DNAAF9: variants seen among roughly 807,000 people sequenced by gnomAD.
DNAAF9 encodes shulin.
A neutral mutation model predicts 167.0 loss-of-function variants in DNAAF9; 90 were observed. The observed-to-expected ratio is 0.54, with a 90% CI of 0.45 to 0.64. DNAAF9 has a LOEUF of 0.64. Among genes scored for constraint, DNAAF9 ranks in the 30% least tolerant of loss-of-function variants. The pLI is 0.00. For missense variants in DNAAF9, 1,315 were observed against 1,442.2 expected (o/e 0.91, Z 1.43); for synonymous variants, 491 against 508.8 (o/e 0.96, Z 0.47).
At chr20:3,334,176 C>T (rs902051818) in intron 10 of DNAAF9, among the ~76,000 whole-genome samples, 5 of 152,168 alleles carry the variant, frequency 3.3e-5, no homozygotes, top group Admixed American at 1.3e-4. Flanking sequence ...CCCCTTCATA[C>T]CAAGGGAATG....
At chr20:3,270,091 C>T (rs1051953360) in intron 30 of DNAAF9, among the ~76,000 whole-genome samples, 2 of 151,622 alleles carry the variant, frequency 1.3e-5, no homozygotes, top group African/African-American at 4.8e-5. Context: ...ACCTCAGCCA[C>T]CCAAAATGCT....
At chr20:3,278,502 C>T (rs953820755) in intron 29 of DNAAF9, among the ~76,000 whole-genome samples, 1 of 152,048 alleles carries the variant, frequency 6.6e-6, no homozygotes, top group Non-Finnish European at 1.5e-5. Flanking sequence ...GGGCGGACTA[C>T]GAGGTCAGGA....
chr20:3,324,470 C>T (rs757436020), intron 14 of DNAAF9, among the ~76,000 whole-genome samples: 7 of 151,900 alleles, frequency 4.6e-5, no homozygotes, highest in South Asian at 2.1e-4. Context: ...CCCCAGGACA[C>T]GGCCAGGCTC....
rs146085199 is a variant in DNAAF9 at position 3,393,338 on chromosome 20, C to A, written c.84-10832G>T. 7.8e-3 allele frequency among the ~76,000 whole-genome samples: 1,188 copies of A among 151,832 alleles called. 11 individuals are homozygous for A. The highest frequency in any genetic ancestry group is 0.027 in the African/African-American group (1,125 of 41,380). On this transcript the variant is annotated intron_variant, in intron 1 of 36. Coordinates refer to ENST00000252032, the MANE Select transcript of DNAAF9 (RefSeq NM_001009984.3). ...GACCAGCCTGGGCAACATGGCAAAACCCTATCTCTACAAAAAATTAGTTAG... is the reference window on the plus strand; with the variant it reads ...GACCAGCCTGGGCAACATGGCAAAAACCTATCTCTACAAAAAATTAGTTAG...
In DNAAF9 at chr20:3,287,669, T is replaced by C. The variant is rs1195687588; in HGVS notation, c.2449A>G (p.Ile817Val). ...ACCAGCAGTCTGGTCTTCTTGCGGA[T>C]GTAGGCTGACTGGCGCGCAGAGCGG... ...QNRSARQSAY[I>V]RKKTRLLVVL... The change falls in exon 27 of 37, where the codon ATC (isoleucine) becomes GTC (valine). Residue 817 changes from isoleucine (I) to valine (V), a missense_variant. Ile to Val is a conservative substitution (Grantham distance 29, BLOSUM62 3). This residue lies in a region of DNAAF9 where 981 missense variants were observed against 1,012.5 expected (regional missense o/e 0.97). Transcript: ENST00000252032. 3 of 1,614,132 alleles carry C rather than the reference T, an allele frequency of 1.9e-6. No homozygotes were observed. The highest frequency in any genetic ancestry group is 2.5e-6 in the Non-Finnish European group (3 of 1,180,052).
intron 3 of DNAAF9, among the ~76,000 whole-genome samples, chr20:3,377,404 G>A (rs141179337): frequency 5.2e-4 from 79 of 152,094 alleles, no homozygotes; most frequent in Non-Finnish European, 9.1e-4. Flanking sequence ...TCTGCTATCT[G>A]CTATGTGATG....
At chr20:3,284,949 A>C (rs2068825652) in intron 27 of DNAAF9, among the ~76,000 whole-genome samples, 1 of 152,160 alleles carries the variant, frequency 6.6e-6, no homozygotes, top group South Asian at 2.1e-4. Context: ...TGGTCAGGAT[A>C]CTAAACAGTT....
chr20:3,334,905 A>G (rs1189717656), intron 10 of DNAAF9, among the ~76,000 whole-genome samples: 1 of 152,232 alleles, frequency 6.6e-6, no homozygotes, highest in Non-Finnish European at 1.5e-5. Flanking sequence ...TGGAGTTTTC[A>G]AGTCTATGAG....
chr20:3,349,209 A>C (rs1328442131), intron 7 of DNAAF9, among the ~76,000 whole-genome samples: 18 of 149,716 alleles, frequency 1.2e-4, no homozygotes, highest in South Asian at 2.1e-4. Context: ...AAAAACAAAA[A>C]AAAAAAAAAC....
chr20:3,340,456 C>CCCA, intron 10 of DNAAF9, 48 bp downstream of exon 10: 2 of 1,152,348 alleles, frequency 1.7e-6, no homozygotes, highest in South Asian at 2.0e-5. Flanking sequence ...CCCACCCCCA[C>CCCA]AACTTGATAA....
At chr20:3,336,812 G>A (rs1285295006) in intron 10 of DNAAF9, among the ~76,000 whole-genome samples, 1 of 151,566 alleles carries the variant, frequency 6.6e-6, no homozygotes, top group African/African-American at 2.4e-5. Context: ...CAAAGTGCAG[G>A]GATTAAAGTT....
intron 3 of DNAAF9, among the ~76,000 whole-genome samples, chr20:3,380,852 C>T (rs913288158): frequency 2.6e-5 from 4 of 152,146 alleles, no homozygotes; most frequent in South Asian, 2.1e-4. Context: ...CTCAGTGCTA[C>T]GGAGAGGGGA....
intron 1 of DNAAF9, among the ~76,000 whole-genome samples, chr20:3,397,608 A>G (rs1038416658): frequency 1.2e-4 from 19 of 152,106 alleles, no homozygotes; most frequent in Admixed American, 1.2e-3. Flanking sequence ...GTGAGCCACC[A>G]CGCCCAGCCT....
intron 3 of DNAAF9, among the ~76,000 whole-genome samples, chr20:3,378,374 G>A (rs2083603682): frequency 6.6e-6 from 1 of 152,208 alleles, no homozygotes; most frequent in Non-Finnish European, 1.5e-5. Flanking sequence ...AAGACTGGGA[G>A]GAAGGAAGTA....
chr20:3,266,809 C>T (rs2122782461), intron 30 of DNAAF9, among the ~76,000 whole-genome samples: 2 of 150,518 alleles, frequency 1.3e-5, no homozygotes, highest in Middle Eastern at 7.0e-3. Flanking sequence ...ACCTTATTTA[C>T]TTGGTATTCT....
chr20:3,401,162 T>C (rs982044793), intron 1 of DNAAF9, among the ~76,000 whole-genome samples: 3 of 152,218 alleles, frequency 2.0e-5, no homozygotes, highest in South Asian at 2.1e-4. Flanking sequence ...TGTGAGGCTT[T>C]AATTAAAGTG....
At chr20:3,296,646 G>A (rs1386929299) in intron 23 of DNAAF9, 4 of 528,712 alleles carry the variant, frequency 7.6e-6, no homozygotes, top group African/African-American at 1.9e-5. Context: ...CTCCCAAAGT[G>A]TTGGGATTAC....
At chr20:3,278,765 G>A (rs918129318) in intron 29 of DNAAF9, 147 bp downstream of exon 29, 2 of 747,540 alleles carry the variant, frequency 2.7e-6, no homozygotes, top group Admixed American at 1.9e-5. Flanking sequence ...ATCAAATATG[G>A]TAAAAGTAAA....
At chr20:3,305,912 T>C (rs2069283705) in intron 20 of DNAAF9, among the ~76,000 whole-genome samples, 1 of 152,146 alleles carries the variant, frequency 6.6e-6, no homozygotes, top group Admixed American at 6.5e-5. Context: ...ACACTGCCTT[T>C]TCCTGAGGCC....
Sources: gnomAD v4.1 joint callset for allele counts (sites outside exome capture counted in the v4.1 genomes callset) on GRCh38, gnomAD v4.1.1 for gene constraint, gnomAD v4.1.1 regional missense constraint, MANE v1.5 for transcripts, NCBI Gene and HGNC (gene_info 2026-07-23, HGNC 2026-07-21) for gene names.